The following PCDH7 variants were observed in gnomAD, a reference collection of about 807,000 sequenced individuals.
The protein encoded by PCDH7 is protocadherin 7, also known as protocadherin-7.
A neutral mutation model predicts 58.9 loss-of-function variants in PCDH7; 17 were observed. The observed-to-expected ratio is 0.29, with a 90% confidence interval of 0.20 to 0.43. The LOEUF is 0.43. PCDH7 is among the 20% of genes least tolerant of loss of function. The probability of loss-of-function intolerance (pLI) is 1.00; values close to 1 mark genes in which losing one functional copy is unlikely to be tolerated. For synonymous variants in PCDH7, 664 were observed against 616.4 expected, an observed-to-expected ratio of 1.08 and a Z score of -1.14; for missense variants, 1,274 against 1,441.0, an observed-to-expected ratio of 0.88 and a Z score of 1.88.
chr4:30,962,776 T>TAAAA (rs57257786), intron 3 of PCDH7, among the ~76,000 whole-genome samples: 28 of 70,620 alleles, frequency 4.0e-4, no homozygotes, highest in African/African-American at 1.3e-3. Flanking sequence ...GACCCAGTCT[T>TAAAA]AAAAAAAAAA....
intron 3 of PCDH7, among the ~76,000 whole-genome samples, chr4:31,063,037 A>G (rs966854763): frequency 6.6e-6 from 1 of 151,844 alleles, no homozygotes; most frequent in Non-Finnish European, 1.5e-5. Context: ...ATTAATCTTT[A>G]TTGGGTATCT....
intron 1 of PCDH7, among the ~76,000 whole-genome samples, chr4:30,799,889 T>C (rs919930099): frequency 6.6e-6 from 1 of 151,818 alleles, no homozygotes; most frequent in Non-Finnish European, 1.5e-5. Flanking sequence ...AGTCTCACTC[T>C]GTCACCCAGG....
Position 30,814,207 on chromosome 4 carries a change from G to C in PCDH7, c.70+89611G>C, listed in dbSNP as rs1211506869. Among the ~76,000 whole-genome samples, 3 of 151,420 alleles carry C rather than the reference G, an allele frequency of 2.0e-5. No individual in the cohort carries two copies. In the East Asian group the frequency reaches 5.8e-4, roughly 29 times the overall value. ...CATGTGAGCCAATAAAGGTGTGTTT[G>C]TGTGTGTGTGTATATATATGTGTAT... On this transcript the variant is annotated intron_variant, in intron 1 of 3. Coordinates refer to the PCDH7 transcript ENST00000509759.
At chr4:30,828,674 T>G (rs1729398567) in intron 1 of PCDH7, among the ~76,000 whole-genome samples, 1 of 152,096 alleles carries the variant, frequency 6.6e-6, no homozygotes, top group African/African-American at 2.4e-5. Flanking sequence ...GAGAGCATGG[T>G]TCTCTGGTTA....
chr4:30,790,341 G>GT (rs1723955176), intron 1 of PCDH7, among the ~76,000 whole-genome samples: 1 of 152,170 alleles, frequency 6.6e-6, no homozygotes, highest in South Asian at 2.1e-4. Context: ...GATACACAGA[G>GT]TTTCAGTAAC....
At chr4:30,935,155 A>T (rs1293116891) in intron 2 of PCDH7, among the ~76,000 whole-genome samples, 1 of 152,082 alleles carries the variant, frequency 6.6e-6, no homozygotes, top group Non-Finnish European at 1.5e-5. Context: ...TATTTATAGA[A>T]GTATTGAATT....
intron 1 of PCDH7, among the ~76,000 whole-genome samples, chr4:30,785,670 T>A (rs1280816829): frequency 6.6e-6 from 1 of 152,038 alleles, no homozygotes; most frequent in Non-Finnish European, 1.5e-5. Flanking sequence ...ATTACACCAT[T>A]TACTTTCACA....
chr4:30,952,908 C>T (rs1001661845), intron 3 of PCDH7, among the ~76,000 whole-genome samples: 2 of 152,166 alleles, frequency 1.3e-5, no homozygotes, highest in Non-Finnish European at 2.9e-5. Flanking sequence ...TATCCCTCTC[C>T]ACCACATTCT....
chr4:31,146,662 TG>T (rs1474268437), downstream of PCDH7: 2 of 152,150 alleles, frequency 1.3e-5, no homozygotes, highest in African/African-American at 2.4e-5. Flanking sequence ...ATGCTTAACA[TG>T]GCGAAATGTA....
At chr4:31,066,778 T>C (rs994620923) in intron 3 of PCDH7, among the ~76,000 whole-genome samples, 4 of 151,964 alleles carry the variant, frequency 2.6e-5, no homozygotes, top group African/African-American at 7.2e-5. Flanking sequence ...AAATATTATT[T>C]CATAAAGGTT....
At chr4:30,897,156 G>A (rs930444450) in intron 1 of PCDH7, among the ~76,000 whole-genome samples, 2 of 151,638 alleles carry the variant, frequency 1.3e-5, no homozygotes, top group African/African-American at 2.4e-5. Context: ...CTCCCGCCTC[G>A]GCCTCCCAAA....
intron 3 of PCDH7, among the ~76,000 whole-genome samples, chr4:31,032,248 A>G (rs570843683): frequency 6.6e-6 from 1 of 152,334 alleles, no homozygotes; most frequent in African/African-American, 2.4e-5. Context: ...GAGAATCCTC[A>G]TGTGGCTCAT....
intron 3 of PCDH7, among the ~76,000 whole-genome samples, chr4:31,027,716 C>T (rs1433015139): frequency 6.6e-6 from 1 of 152,160 alleles, no homozygotes; most frequent in East Asian, 1.9e-4. Flanking sequence ...CTACTGCACC[C>T]AGCCTGTATT....
At chr4:31,131,526 A>G (rs1264952902) in intron 3 of PCDH7, among the ~76,000 whole-genome samples, 2 of 152,302 alleles carry the variant, frequency 1.3e-5, no homozygotes, top group East Asian at 1.9e-4. Context: ...AACTCTTCCC[A>G]TGAATGGTTT....
At chr4:30,985,903 TA>T (rs1299651224) in intron 3 of PCDH7, among the ~76,000 whole-genome samples, 1 of 152,206 alleles carries the variant, frequency 6.6e-6, no homozygotes, top group African/African-American at 2.4e-5. Context: ...TCTTTTGGTT[TA>T]TTTAGATTTA....
At chr4:30,960,389 T>C (rs1193938965) in intron 3 of PCDH7, among the ~76,000 whole-genome samples, 3 of 152,170 alleles carry the variant, frequency 2.0e-5, no homozygotes, top group Non-Finnish European at 4.4e-5. Context: ...GACATCCCAG[T>C]AAACCAGGTA....
Position 30,721,669 on chromosome 4 carries a change from G to C in PCDH7, c.247G>C (p.Glu83Gln), listed in dbSNP as rs1312085308. 2.5e-6 allele frequency: 4 copies of C among 1,613,864 alleles called. No individual in the cohort carries two copies. Among genetic ancestry groups the C allele is most frequent in the Non-Finnish European group, 3.4e-6 (4 of 1,180,026 alleles). Residue 83 changes from glutamate to glutamine, a missense_variant, in exon 1 of 2, where the codon GAG (glutamate) becomes CAG (glutamine). Transcript: ENST00000361762. The surrounding 1 kb of genome is among the most constrained non-coding windows in gnomAD (Gnocchi z 6.7). ...CCTGAAGATCGACAACCTCACTGGC[G>C]AGCTGAGCACGAGCGAGCGGCGCAT...
At chr4:30,907,943 T>C (rs1485289247) in intron 1 of PCDH7, among the ~76,000 whole-genome samples, 1 of 152,146 alleles carries the variant, frequency 6.6e-6, no homozygotes, top group East Asian at 1.9e-4. Flanking sequence ...GTTCATGTCC[T>C]TTGTGGGGAC....
At chr4:30,826,749 A>C (rs918488076) in intron 1 of PCDH7, among the ~76,000 whole-genome samples, 1 of 152,062 alleles carries the variant, frequency 6.6e-6, no homozygotes, top group African/African-American at 2.4e-5. Flanking sequence ...TTTTTGAGAC[A>C]GGGTCTCGTT....
Sources: gnomAD v4.1 joint callset for allele counts (sites outside exome capture counted in the v4.1 genomes callset) on GRCh38, gnomAD v4.1.1 for gene constraint, Gnocchi (gnomAD v3.1) non-coding constraint, MANE v1.5 for transcripts, NCBI Gene and HGNC (gene_info 2026-07-23, HGNC 2026-07-21) for gene names.